The following DENND1A variants were observed in gnomAD, a reference collection of about 807,000 sequenced individuals.
DENND1A encodes DENN domain containing 1A.
A neutral mutation model predicts 113.7 loss-of-function variants in DENND1A; 51 were observed. That is an observed-to-expected ratio of 0.45 (90% CI 0.36 to 0.57). The LOEUF (loss-of-function observed/expected upper bound fraction) is 0.57. Ranked by LOEUF, DENND1A falls within the 20% of genes least tolerant of loss-of-function variation. DENND1A has a pLI of 0.00. For synonymous variants in DENND1A, 565 were observed against 570.8 expected (o/e 0.99, Z 0.14); for missense variants, 1,258 against 1,395.9 (o/e 0.90, Z 1.57).
At chr9:123,637,096 A>G (rs926160610) in intron 9 of DENND1A, among the ~76,000 whole-genome samples, 5 of 152,252 alleles carry the variant, frequency 3.3e-5, no homozygotes. Flanking sequence ...GAGGAAGACA[A>G]TCAGATGGTC....
intron 3 of DENND1A, among the ~76,000 whole-genome samples, chr9:123,773,410 G>A (rs1263242995): frequency 2.0e-5 from 3 of 152,138 alleles, no homozygotes; most frequent in South Asian, 2.1e-4. Context: ...CAGAAGGCCC[G>A]AATTTACTCC....
chr9:123,660,943 T>C (rs1185621925), intron 8 of DENND1A, among the ~76,000 whole-genome samples: 3 of 152,236 alleles, frequency 2.0e-5, no homozygotes, highest in Admixed American at 6.5e-5. Flanking sequence ...TGTGCTACCA[T>C]CATATAGTGA....
At chr9:123,897,946 A>G (rs981662158) in intron 1 of DENND1A, among the ~76,000 whole-genome samples, 170 of 133,478 alleles carry the variant, frequency 1.3e-3, no homozygotes, top group African/African-American at 5.1e-3. Context: ...TCTCAAGCGG[A>G]AAAAAAAAAA....
chr9:123,610,628 T>C (rs1378048394), intron 10 of DENND1A, among the ~76,000 whole-genome samples: 1 of 152,196 alleles, frequency 6.6e-6, no homozygotes, highest in Non-Finnish European at 1.5e-5. Context: ...GTATGGGATA[T>C]AGTCTATGAA....
At chr9:123,445,689 G>C (rs2047253349) in intron 18 of DENND1A, among the ~76,000 whole-genome samples, 1 of 152,190 alleles carries the variant, frequency 6.6e-6, no homozygotes, top group South Asian at 2.1e-4. Flanking sequence ...TGGCCAACAT[G>C]GCAAAACCCC....
intron 13 of DENND1A, among the ~76,000 whole-genome samples, chr9:123,551,688 G>T (rs758028427): frequency 1.3e-5 from 2 of 152,210 alleles, no homozygotes; most frequent in African/African-American, 2.4e-5. Flanking sequence ...GCAGTGACTG[G>T]ACACCCCTGG....
At chr9:123,511,897 C>G (rs1356258754) in intron 13 of DENND1A, among the ~76,000 whole-genome samples, 2 of 152,194 alleles carry the variant, frequency 1.3e-5, no homozygotes, top group African/African-American at 4.8e-5. Flanking sequence ...AAACAAAACC[C>G]AGCAGTTATC....
intron 3 of DENND1A, among the ~76,000 whole-genome samples, chr9:123,790,834 C>A (rs923433178): frequency 2.6e-5 from 4 of 152,138 alleles, no homozygotes; most frequent in Non-Finnish European, 4.4e-5. Flanking sequence ...AACGCACAAA[C>A]TTCTATGTGT....
chr9:123,922,826 C>T (rs911696987), intron 1 of DENND1A, among the ~76,000 whole-genome samples: 2 of 152,156 alleles, frequency 1.3e-5, no homozygotes, highest in African/African-American at 4.8e-5. Flanking sequence ...AACCAACGTC[C>T]AAATGAACTT....
At chr9:123,766,226 T>C (rs1051950863) in intron 4 of DENND1A, among the ~76,000 whole-genome samples, 3 of 152,180 alleles carry the variant, frequency 2.0e-5, no homozygotes, top group African/African-American at 4.8e-5. Flanking sequence ...GCAGACTCAA[T>C]ACAAGTCTCC....
chr9:123,739,933 A>T (rs1287609023), intron 5 of DENND1A, among the ~76,000 whole-genome samples: 1 of 152,100 alleles, frequency 6.6e-6, no homozygotes, highest in Admixed American at 6.5e-5. Flanking sequence ...AAAAAAAAAA[A>T]AAAAGGCTTC....
intron 2 of DENND1A, among the ~76,000 whole-genome samples, chr9:123,793,798 T>C (rs1012148323): frequency 1.3e-5 from 2 of 152,208 alleles, no homozygotes; most frequent in African/African-American, 4.8e-5. Context: ...ATGTGTATTA[T>C]TTTTTAAAAC....
intron 8 of DENND1A, among the ~76,000 whole-genome samples, chr9:123,664,161 T>C (rs981965952): frequency 2.0e-5 from 3 of 152,232 alleles, no homozygotes; most frequent in African/African-American, 7.2e-5. Context: ...ATACCTTTCC[T>C]ATGATTTGGT....
At chr9:123,927,808 T>G (rs868534281) in intron 1 of DENND1A, among the ~76,000 whole-genome samples, 3 of 152,104 alleles carry the variant, frequency 2.0e-5, no homozygotes, top group Non-Finnish European at 4.4e-5. Flanking sequence ...CAGGAGAACA[T>G]CTTGAATGCC....
chr9:123,626,237 G>C (rs2138431903), intron 10 of DENND1A, among the ~76,000 whole-genome samples: 2 of 152,198 alleles, frequency 1.3e-5, no homozygotes, highest in South Asian at 4.2e-4. Context: ...GGTGTGTATG[G>C]GCGGGGGGTG....
Position 123,682,719 on chromosome 9 carries a change from C to T in DENND1A, c.303-5930G>A, listed in dbSNP as rs528365703. ...GTGACACCTCGAGAAAGCGGTCTTCCCAAAACTCAGTTTCCTCCTCTATGA... is the reference window on the plus strand; with the variant it reads ...GTGACACCTCGAGAAAGCGGTCTTCTCAAAACTCAGTTTCCTCCTCTATGA... On this transcript the variant is annotated intron_variant, in intron 5 of 23. Coordinates refer to ENST00000394215, the MANE Select transcript of DENND1A (RefSeq NM_001352964.2). Among the ~76,000 whole-genome samples, 43 of 152,200 alleles carry T rather than the reference C, an allele frequency of 2.8e-4. 2 individuals carry two copies. In the South Asian group the frequency reaches 7.9e-3, roughly 28 times the overall value.
At chr9:123,893,219 A>G (rs1202258015) in intron 1 of DENND1A, among the ~76,000 whole-genome samples, 1 of 152,230 alleles carries the variant, frequency 6.6e-6, no homozygotes, top group Non-Finnish European at 1.5e-5. Flanking sequence ...CGAACAGATC[A>G]GTTAAAGTCA....
At chr9:123,530,822 A>C (rs552090239) in intron 13 of DENND1A, among the ~76,000 whole-genome samples, 21 of 152,336 alleles carry the variant, frequency 1.4e-4, no homozygotes, top group African/African-American at 5.0e-4. Context: ...AGTTTAATTT[A>C]CAAATTAGCC....
chr9:123,439,388 C>T (rs993119571), intron 19 of DENND1A, among the ~76,000 whole-genome samples: 4 of 152,156 alleles, frequency 2.6e-5, no homozygotes, highest in African/African-American at 4.8e-5. Context: ...CAGTAGTAAC[C>T]TGGAGCAAGA....
Sources: allele counts gnomAD v4.1 joint callset (sites outside exome capture counted in the v4.1 genomes callset), GRCh38; gene constraint gnomAD v4.1.1; transcripts MANE v1.5; gene names NCBI Gene and HGNC (gene_info 2026-07-23, HGNC 2026-07-21).